The following HDLBP variants were observed in gnomAD, a reference collection of about 807,000 sequenced individuals.
HDLBP encodes the protein high density lipoprotein binding protein, also known as vigilin.
HDLBP carries 30 observed loss-of-function variants against 137.3 expected under a neutral mutation model. The observed-to-expected ratio is 0.22, with a 90% CI of 0.16 to 0.30. HDLBP has a LOEUF of 0.30. Ranked by LOEUF, HDLBP falls within the 10% of genes least tolerant of loss-of-function variation. The pLI, the probability that HDLBP is intolerant of heterozygous loss-of-function variation, is 1.00. For missense variants in HDLBP, 1,119 were observed against 1,667.3 expected (o/e 0.67, Z 5.73); for synonymous variants, 606 against 596.0 (o/e 1.02, Z -0.24).
chr2:241,247,596 T>G (rs1366113871), intron 14 of HDLBP, among the ~76,000 whole-genome samples: 1 of 152,220 alleles, frequency 6.6e-6, no homozygotes, highest in Non-Finnish European at 1.5e-5. Flanking sequence ...CACTACTCAC[T>G]ACACTTTCTA....
intron 2 of HDLBP, chr2:241,267,669 C>T (rs1175982986): frequency 6.5e-7 from 1 of 1,535,706 alleles, no homozygotes; most frequent in African/African-American, 1.4e-5. Context: ...AACTAAACCA[C>T]CTCCAAATCT....
chr2:241,274,700 C>G (rs1459160645), intron 1 of HDLBP, among the ~76,000 whole-genome samples: 1 of 152,222 alleles, frequency 6.6e-6, no homozygotes, highest in East Asian at 1.9e-4. Flanking sequence ...GTGCTAATAA[C>G]CGTCCAGAAT....
At position 241,247,157 on chromosome 2, in the gene HDLBP, A is replaced by C. The variant is rs555304262; in HGVS notation, c.1732-15T>G. ...CTATTTTCCACCTTAAAGACAAAAA[A>C]CACAGCCCGATTCACCACCTGTGCT... On this transcript the variant is annotated splice_polypyrimidine_tract_variant and intron_variant, in intron 14 of 27. Coordinates refer to ENST00000310931, the MANE Select transcript of HDLBP (RefSeq NM_005336.6). 6.5e-7 allele frequency: 1 copy of C among 1,535,334 alleles called. No homozygotes were observed. Among genetic ancestry groups the C allele is most frequent in the African/African-American group, 1.4e-5 (1 of 73,506 alleles).
intron 1 of HDLBP, among the ~76,000 whole-genome samples, chr2:241,306,323 G>C (rs1018387218): frequency 6.6e-6 from 1 of 151,040 alleles, no homozygotes; most frequent in African/African-American, 2.4e-5. Flanking sequence ...GTGCAATGGC[G>C]TGATCTCGGC....
rs1028507888 is a variant in HDLBP at position 241,229,308 on chromosome 2, A to AG, written c.*292dup. 5.0e-5 allele frequency: 17 copies of AG among 339,858 alleles called. No individual in the cohort carries two copies. Among genetic ancestry groups the AG allele is most frequent in the African/African-American group, 3.4e-4 (16 of 46,540 alleles). 21.1% of individuals were successfully genotyped at this position (339,858 alleles called of 1,614,324 possible). A position where few individuals can be genotyped will look rare whatever the true frequency, so the allele number is the denominator to read the frequency against. On this transcript the variant is annotated 3_prime_UTR_variant, in exon 28 of 28. Coordinates refer to ENST00000310931, the MANE Select transcript of HDLBP (RefSeq NM_005336.6). The stretch of plus-strand genomic sequence containing the variant: ...CTGCGGAGCTCTCGTGATGAAGGCC[A>AG]GAGTGCTGACTGACATGCCGGGTGG...
intron 13 of HDLBP, 34 bp downstream of exon 13, chr2:241,248,210 T>TA: frequency 6.4e-7 from 1 of 1,572,616 alleles, no homozygotes; most frequent in South Asian, 1.1e-5. Flanking sequence ...GGATCACTCC[T>TA]ATAGAGTTAC....
intron 1 of HDLBP, among the ~76,000 whole-genome samples, chr2:241,281,148 G>A (rs1055558948): frequency 6.6e-6 from 1 of 152,202 alleles, no homozygotes; most frequent in African/African-American, 2.4e-5. Flanking sequence ...TTGAGGTCGA[G>A]AGATCGAGAT....
At chr2:241,236,585 G>A (rs1222491282) in intron 21 of HDLBP, 30 bp downstream of exon 21, 2 of 1,611,262 alleles carry the variant, frequency 1.2e-6, no homozygotes, top group East Asian at 2.2e-5. Flanking sequence ...GGCCTTGGCG[G>A]GGGGTGGAGG....
intron 13 of HDLBP, 51 bp from the exon 14 acceptor site, chr2:241,248,167 T>C (rs757346322): frequency 6.4e-7 from 1 of 1,552,440 alleles, no homozygotes; most frequent in South Asian, 1.1e-5. Context: ...AGGACATATA[T>C]CCCAAATATC....
intron 17 of HDLBP, among the ~76,000 whole-genome samples, chr2:241,242,084 C>T (rs1366176980): frequency 6.6e-6 from 1 of 152,170 alleles, no homozygotes; most frequent in Non-Finnish European, 1.5e-5. Flanking sequence ...ACAAGGACAA[C>T]AGCAATTCCA....
chr2:241,264,363 A>AG (rs1288757733), intron 4 of HDLBP, 85 bp downstream of exon 4: 1 of 743,276 alleles, frequency 1.3e-6, no homozygotes, highest in Non-Finnish European at 1.9e-6. Context: ...CTCTGTCTCA[A>AG]AAAAAAAAAA....
At chr2:241,232,251 A>G (rs2069850543) in intron 24 of HDLBP, among the ~76,000 whole-genome samples, 2 of 151,970 alleles carry the variant, frequency 1.3e-5, no homozygotes, top group South Asian at 2.1e-4. Context: ...TATTAGATGG[A>G]ATAGTCTAAT....
In HDLBP at chr2:241,239,207, C is replaced by T. The variant is rs969242446; in HGVS notation, c.2610+395G>A. 2.6e-5 allele frequency among the ~76,000 whole-genome samples: 4 copies of T among 152,210 alleles called. No individual in the cohort carries two copies. The highest frequency in any genetic ancestry group is 6.5e-5 in the Admixed American group (1 of 15,290). ...CTTCTCATGACTTCCCATGGATTCA[C>T]GTGGATGCCCTCAAATCGATTTTCT... On this transcript the variant is annotated intron_variant, in intron 19 of 27. Coordinates refer to ENST00000310931, the MANE Select transcript of HDLBP (RefSeq NM_005336.6). The surrounding 1 kb of genome is among the most constrained non-coding windows in gnomAD (Gnocchi z 4.6).
intron 1 of HDLBP, among the ~76,000 whole-genome samples, chr2:241,280,364 T>TGTA (rs2074547916): frequency 1.3e-5 from 2 of 152,236 alleles, no homozygotes; most frequent in African/African-American, 2.4e-5. Context: ...CAGTATATAT[T>TGTA]ATTACATTAA....
chr2:241,266,817 C>T lies in HDLBP; in HGVS notation c.53G>A (p.Gly18Glu). 1 of 1,612,976 alleles carries T rather than the reference C, an allele frequency of 6.2e-7. No homozygotes were observed. ...ACCTTTGATTTGTTGCGGAACCAGC[C>T]CACTTCGGTGTTCAGCAAAACTCTC... is the stretch of plus-strand genomic sequence containing the variant. ...TQESFAEHRS[G>E]LVPQQIKVAT... Residue 18 changes from glycine (G) to glutamate (E), a missense_variant, in exon 3 of 28, where the codon GGG becomes GAG. Physicochemically the swap from Gly to Glu is moderately conservative, Grantham distance 98. This residue lies in a region of HDLBP where 59 missense variants were observed against 92.4 expected (regional missense o/e 0.64). Coordinates refer to ENST00000310931, the MANE Select transcript of HDLBP (RefSeq NM_005336.6).
At chr2:241,262,599 CG>C (rs2073294208) in intron 5 of HDLBP, 111 bp downstream of exon 5, 2 of 749,972 alleles carry the variant, frequency 2.7e-6, no homozygotes, top group African/African-American at 3.5e-5. Context: ...CTCCAAAAGA[CG>C]GAACTGTCCC....
At chr2:241,282,340 ACT>A (rs1289885454) in intron 1 of HDLBP, among the ~76,000 whole-genome samples, 6 of 152,238 alleles carry the variant, frequency 3.9e-5, no homozygotes, top group African/African-American at 1.4e-4. Context: ...AAATCTGAAG[ACT>A]CAAAAAAAAG....
Position 241,230,218 on chromosome 2 carries a change from C to T in HDLBP, c.3526G>A (p.Val1176Met). 6.2e-7 allele frequency: 1 copy of T among 1,613,060 alleles called. No individual in the cohort carries two copies. The highest frequency in any genetic ancestry group is 1.1e-5 in the South Asian group (1 of 91,036). The change falls in exon 26 of 28, where the codon GTG becomes ATG. Residue 1176 changes from valine (V) to methionine (M), a missense_variant. By Grantham distance (21) the Val-to-Met change is conservative. This residue lies in a region of HDLBP where 618 missense variants were observed against 816.7 expected (regional missense o/e 0.76). Transcript: ENST00000310931. The surrounding 1 kb of genome is among the most constrained non-coding windows in gnomAD (Gnocchi z 5.0). ...SGAPDPNCVT[V>M]TGLPENVEEA... ...TCCACATTCTCTGGGAGCCCCGTCA[C>T]AGTGACGCAGTTGGGGTCTGGGGCT...
chr2:241,307,477 G>A (rs182988701), intron 1 of HDLBP, among the ~76,000 whole-genome samples: 8 of 152,278 alleles, frequency 5.3e-5, no homozygotes, highest in Non-Finnish European at 8.8e-5. Context: ...AACATTGACA[G>A]TATTAATAGA....
Sources: allele counts gnomAD v4.1 joint callset (sites outside exome capture counted in the v4.1 genomes callset), GRCh38; gene constraint gnomAD v4.1.1; regional missense constraint gnomAD v4.1.1; non-coding constraint Gnocchi (gnomAD v3.1); transcripts MANE v1.5; gene names NCBI Gene and HGNC (gene_info 2026-07-23, HGNC 2026-07-21).